The following MYO9B variants were observed in gnomAD, a reference collection of about 807,000 sequenced individuals.
The protein encoded by MYO9B is myosin IXB.
MYO9B carries 71 observed loss-of-function variants against 229.5 expected under a neutral mutation model. The ratio of observed to expected loss-of-function variants is 0.31; its 90% CI spans 0.26 to 0.38. The LOEUF (loss-of-function observed/expected upper bound fraction) is 0.38. Among genes scored for constraint, MYO9B ranks in the 10% least tolerant of loss-of-function variants. MYO9B has a pLI of 1.00. For synonymous variants in MYO9B, 1,185 were observed against 1,235.8 expected (o/e 0.96, Z 0.86); for missense variants, 2,255 against 2,920.5 (o/e 0.77, Z 5.25).
At position 17,186,104 on chromosome 19, in the gene MYO9B, G is replaced by T. The variant is rs7249267; in HGVS notation, c.2577+103G>T. On this transcript the variant is annotated intron_variant, in intron 18 of 39. Transcript: ENST00000682292. ...CCAGCCTCCACGCAGTATGGGGGAC[G>T]GTGCAGCAGTCCATCCAGAGGCAGC... The T allele has an allele frequency of 1.6e-3, 1,658 of 1,007,274 alleles. 11 individuals carry two copies. The highest frequency in any genetic ancestry group is 1.0e-2 in the Middle Eastern group (33 of 3,314). 62.4% of individuals were successfully genotyped at this position (1,007,274 alleles called of 1,614,324 possible). A position where few individuals can be genotyped will look rare whatever the true frequency, so the allele number is the denominator to read the frequency against.
At chr19:17,211,203 A>C (rs917967813) in intron 38 of MYO9B, among the ~76,000 whole-genome samples, 1 of 149,932 alleles carries the variant, frequency 6.7e-6, no homozygotes, top group Non-Finnish European at 1.5e-5. Context: ...CTGGTCTTGA[A>C]CTCCTGACCT....
intron 13 of MYO9B, 132 bp downstream of exon 13, chr19:17,173,095 T>G (rs931710798): frequency 1.8e-6 from 2 of 1,121,896 alleles, no homozygotes; most frequent in African/African-American, 3.1e-5. Flanking sequence ...CCTGTCTACC[T>G]GAAGTGTTCC....
chr19:17,167,802 C>T (rs376911465), intron 10 of MYO9B, 141 bp from the exon 11 acceptor site: 56 of 1,106,850 alleles, frequency 5.1e-5, no homozygotes, highest in East Asian at 4.0e-4. Context: ...TTTTAAGCCA[C>T]GCATCAGTTT....
chr19:17,170,378 C>A (rs1599388129), intron 11 of MYO9B, among the ~76,000 whole-genome samples: 1 of 152,094 alleles, frequency 6.6e-6, no homozygotes, highest in Non-Finnish European at 1.5e-5. Flanking sequence ...AGACCCATCC[C>A]TTGCCAATGA....
intron 1 of MYO9B, among the ~76,000 whole-genome samples, chr19:17,089,271 T>G (rs1421961958): frequency 7.1e-6 from 1 of 140,574 alleles, no homozygotes. Context: ...GCGTTTCTTC[T>G]AAAAAAAAAA....
rs117297255 is a variant in MYO9B, at chr19:17,125,765, A to G, written c.841-19632A>G. The stretch of plus-strand genomic sequence containing the variant: ...CCGTCCGTCCATCTGACCAGCAACC[A>G]GCTATCGAGAGCCTGCCGGGGTGCC... On this transcript the variant is annotated intron_variant, in intron 2 of 39. Coordinates refer to ENST00000682292, the MANE Select transcript of MYO9B (RefSeq NM_004145.4). Among the ~76,000 whole-genome samples the G allele has an allele frequency of 1.3e-4, 20 of 152,318 alleles. No homozygotes were observed. In the East Asian group the frequency reaches 3.9e-3, roughly 29 times the overall value.
At chr19:17,079,256 CAG>C (rs549101270) in intron 1 of MYO9B, among the ~76,000 whole-genome samples, 130 of 152,282 alleles carry the variant, frequency 8.5e-4, no homozygotes, top group African/African-American at 2.9e-3. Context: ...AGAGTGGGAA[CAG>C]GGGCAGAGAC....
At chr19:17,141,882 G>C (rs2072344504) in intron 2 of MYO9B, among the ~76,000 whole-genome samples, 1 of 152,172 alleles carries the variant, frequency 6.6e-6, no homozygotes, top group African/African-American at 2.4e-5. Flanking sequence ...CTGTGAAAAA[G>C]GAATGAAACA....
intron 3 of MYO9B, among the ~76,000 whole-genome samples, chr19:17,146,382 CATGG>C (rs1159430575): frequency 5.3e-5 from 6 of 113,704 alleles, no homozygotes; most frequent in Non-Finnish European, 9.5e-5. Flanking sequence ...TGGATAGATT[CATGG>C]ATGGATGGAT....
intron 28 of MYO9B, 132 bp from the exon 29 acceptor site, chr19:17,202,710 T>A: frequency 3.3e-6 from 3 of 910,878 alleles, no homozygotes; most frequent in Non-Finnish European, 5.0e-6. Context: ...ATGGGGGCGT[T>A]AGGGACAATG....
chr19:17,156,837 G>T lies in MYO9B; in HGVS notation c.1200-72G>T, dbSNP rs554288773. 6.6e-6 allele frequency: 10 copies of T among 1,513,864 alleles called. No individual in the cohort carries two copies. In the South Asian group the frequency reaches 1.0e-4, roughly 15 times the overall value. 93.8% of individuals were successfully genotyped at this position (1,513,864 alleles called of 1,614,324 possible). A position where few individuals can be genotyped will look rare whatever the true frequency, so the allele number is the denominator to read the frequency against. On this transcript the variant is annotated intron_variant, in intron 6 of 39. Transcript: ENST00000682292. ...TTTGCTGGTTTTATGGATTCAGCCC[G>T]GTTCCCTGGGAAGTATCTGCTGTCT...
intron 19 of MYO9B, among the ~76,000 whole-genome samples, chr19:17,189,042 C>T (rs7255446): frequency 0.7 from 104,781 of 149,748 alleles, 38,220 homozygotes; most frequent in African/African-American, 0.92. Context: ...ACACCTGTAA[C>T]CTCAGCTACT....
At position 17,212,148 on chromosome 19, in the gene MYO9B, G is replaced by A. The variant is rs372224201; in HGVS notation, c.6312G>A (p.Pro2104=). ...GCCGGGAGCCACCTGCCCGCCGCCC[G>A]GACCAGATACATTCCGTGTACATCA... is the stretch of plus-strand genomic sequence containing the variant. ...VRRREPPARR[P]DQIHSVYITP... The change falls in exon 40 of 40, where the codon CCG becomes CCA. Residue 2104 remains proline (P), a synonymous_variant. Coordinates refer to ENST00000682292, the MANE Select transcript of MYO9B (RefSeq NM_004145.4). The surrounding 1 kb of genome is among the most constrained non-coding windows in gnomAD (Gnocchi z 5.4). The A allele has an allele frequency of 6.9e-5, 110 of 1,587,462 alleles. No homozygotes were observed. Among genetic ancestry groups the A allele is most frequent in the African/African-American group, 6.5e-4 (48 of 74,418 alleles).
At chr19:17,153,706 A>G (rs529896507) in intron 4 of MYO9B, among the ~76,000 whole-genome samples, 5 of 151,692 alleles carry the variant, frequency 3.3e-5, no homozygotes, top group Admixed American at 6.6e-5. Context: ...AAAAAAAAAA[A>G]AAAAGAAAAG....
chr19:17,198,024 T>C, intron 23 of MYO9B, 160 bp from the exon 24 acceptor site: 3 of 1,320,470 alleles, frequency 2.3e-6, no homozygotes, highest in East Asian at 2.5e-5. Flanking sequence ...ACCAGGCCAC[T>C]GCACTCCAGC....
At chr19:17,090,630 G>T (rs1199428532) in intron 1 of MYO9B, among the ~76,000 whole-genome samples, 1 of 152,182 alleles carries the variant, frequency 6.6e-6, no homozygotes, top group Non-Finnish European at 1.5e-5. Flanking sequence ...CAAGGCCTTG[G>T]TCGTACTGAT....
At chr19:17,159,374 C>G (rs1032245218) in intron 7 of MYO9B, 21 bp from the exon 8 acceptor site, 1 of 1,582,924 alleles carries the variant, frequency 6.3e-7, no homozygotes, top group South Asian at 1.2e-5. Context: ...TTCCTTCTCC[C>G]TCTCCTTGAC....
intron 2 of MYO9B, among the ~76,000 whole-genome samples, chr19:17,106,176 T>C (rs1374328348): frequency 6.6e-6 from 1 of 152,176 alleles, no homozygotes; most frequent in African/African-American, 2.4e-5. Flanking sequence ...TTAAATTTTC[T>C]GTAGAGACAC....
intron 8 of MYO9B, among the ~76,000 whole-genome samples, chr19:17,160,159 C>T (rs961650148): frequency 2.6e-5 from 4 of 152,176 alleles, no homozygotes; most frequent in African/African-American, 7.2e-5. Flanking sequence ...CTAATCACGG[C>T]AGGGATTTTT....
Sources: gnomAD v4.1 joint callset for allele counts (sites outside exome capture counted in the v4.1 genomes callset) on GRCh38, gnomAD v4.1.1 for gene constraint, Gnocchi (gnomAD v3.1) non-coding constraint, MANE v1.5 for transcripts, NCBI Gene and HGNC (gene_info 2026-07-23, HGNC 2026-07-21) for gene names.